Variants in PIKFYVE observed in about 807,000 individuals in gnomAD.
The protein encoded by PIKFYVE is 1-phosphatidylinositol 3-phosphate 5-kinase.
A neutral mutation model predicts 257.9 loss-of-function variants in PIKFYVE; 122 were observed. The ratio of observed to expected loss-of-function variants is 0.47; its 90% CI spans 0.41 to 0.55. PIKFYVE has a LOEUF of 0.55. Ranked by LOEUF, PIKFYVE falls within the 20% of genes least tolerant of loss-of-function variation. PIKFYVE has a pLI of 0.00. For missense variants in PIKFYVE, 2,160 were observed against 2,536.6 expected, an observed-to-expected ratio of 0.85 and a Z score of 3.19; for synonymous variants, 892 against 868.9, an observed-to-expected ratio of 1.03 and a Z score of -0.47.
At position 208,325,713 on chromosome 2, in the gene PIKFYVE, C is replaced by A. The variant is rs1696850798; in HGVS notation, c.2902C>A (p.Pro968Thr). ...CACAACAGCTTGCCCGGCGGGTCTC[C>A]CTTGTGCTTTCTTTGCACCTGTACC... is the stretch of plus-strand genomic sequence containing the variant. ...HSTTACPAGL[P>T]CAFFAPVPES... is the part of the protein sequence containing the mutation. Residue 968 changes from proline (P) to threonine (T), a missense_variant, in exon 20 of 42, where the codon CCT becomes ACT. Transcript: ENST00000264380. 1.9e-6 allele frequency: 3 copies of A among 1,613,460 alleles called. No individual in the cohort carries two copies. In the South Asian group the frequency reaches 3.3e-5, roughly 18 times the overall value.
At chr2:208,335,238 T>C in intron 24 of PIKFYVE, 68 bp from the exon 25 acceptor site, 1 of 1,051,646 alleles carries the variant, frequency 9.5e-7, no homozygotes, top group Non-Finnish European at 1.5e-6. Flanking sequence ...TTGAACATCA[T>C]GATACAGCTC....
intron 7 of PIKFYVE, among the ~76,000 whole-genome samples, chr2:208,290,006 A>G (rs1692092741): frequency 6.6e-6 from 1 of 152,194 alleles, no homozygotes; most frequent in African/African-American, 2.4e-5. Context: ...AAAAATGAGC[A>G]GAAAGTACAG....
At position 208,326,380 on chromosome 2, in the gene PIKFYVE, G is replaced by A; in HGVS notation, c.3569G>A (p.Gly1190Asp). 1 of 1,614,066 alleles carries A rather than the reference G, an allele frequency of 6.2e-7. No homozygotes were observed. Among genetic ancestry groups the A allele is most frequent in the Non-Finnish European group, 8.5e-7 (1 of 1,179,980 alleles). ...GGCCAATCAGGAAGCAAAAATGAGG[G>A]TGATGAAGAGAGAGGGCTTATTCTG... ...SSGQSGSKNE[G>D]DEERGLILSD... The change falls in exon 20 of 42, where the codon GGT (glycine) becomes GAT (aspartate). Residue 1190 changes from glycine to aspartate, a missense_variant. This residue lies in a region of PIKFYVE where 522 missense variants were observed against 514.6 expected (regional missense o/e 1.01). Transcript: ENST00000264380.
At chr2:208,332,211 A>C (rs1227358049) in intron 23 of PIKFYVE, among the ~76,000 whole-genome samples, 1 of 152,212 alleles carries the variant, frequency 6.6e-6, no homozygotes, top group Non-Finnish European at 1.5e-5. Context: ...CAAATAAATA[A>C]ATGTTATTCA....
intron 17 of PIKFYVE, among the ~76,000 whole-genome samples, chr2:208,321,045 C>T (rs1211957266): frequency 7.2e-5 from 11 of 152,194 alleles, no homozygotes; most frequent in Non-Finnish European, 5.9e-5. Context: ...GAGGCAGCCT[C>T]ATGCCATATG....
chr2:208,341,474 T>TA (rs1162049948), intron 31 of PIKFYVE, among the ~76,000 whole-genome samples: 1 of 152,264 alleles, frequency 6.6e-6, no homozygotes, highest in African/African-American at 2.4e-5. Flanking sequence ...TATATGCTCT[T>TA]ATGATTCCTG....
chr2:208,330,373 C>T lies in PIKFYVE; in HGVS notation c.3792-150C>T, dbSNP rs571578023. On this transcript the variant is annotated intron_variant, in intron 22 of 41. Transcript: ENST00000264380. ...GGTGCTTAACAAATGGAAACTATCACCGTGCTGTAGCTGAAGACGATGTTC... is the reference window on the plus strand; with the variant it reads ...GGTGCTTAACAAATGGAAACTATCATCGTGCTGTAGCTGAAGACGATGTTC... The T allele has an allele frequency of 4.4e-5, 39 of 879,660 alleles. No homozygotes were observed. The East Asian group carries it at 8.3e-4, about 19-fold the overall frequency. 54.5% of individuals were successfully genotyped at this position (879,660 alleles called of 1,614,324 possible).
At chr2:208,292,585 G>A (rs891038651) in intron 7 of PIKFYVE, among the ~76,000 whole-genome samples, 1 of 151,860 alleles carries the variant, frequency 6.6e-6, no homozygotes, top group Non-Finnish European at 1.5e-5. Context: ...AGTCTGTTCT[G>A]CCTGAAAATT....
chr2:208,273,607 G>T lies in PIKFYVE; in HGVS notation c.196G>T (p.Glu66Ter). 1.2e-6 allele frequency: 2 copies of T among 1,614,186 alleles called. No individual in the cohort carries two copies. The highest frequency in any genetic ancestry group is 1.3e-5 in the African/African-American group (1 of 75,042). Residue 66 changes from glutamate to a stop codon, truncating the protein, a stop_gained, in exon 3 of 42, where the codon GAA (glutamate) becomes TAA (stop). Coordinates refer to ENST00000264380, the MANE Select transcript of PIKFYVE (RefSeq NM_015040.4). LOFTEE classifies it high-confidence loss of function. ...AGAGAGAGCAGAAGGAGGCCAGGGA[G>T]AACAGCAGCCTTTGAGTGGAAGTTG... is the stretch of plus-strand genomic sequence containing the variant. ...NKERAEGGQGEQQPLSGSWTS... is the reference protein window; with the variant it reads ...NKERAEGGQG
At chr2:208,349,723 G>A (rs1699591893) in intron 35 of PIKFYVE, among the ~76,000 whole-genome samples, 1 of 151,850 alleles carries the variant, frequency 6.6e-6, no homozygotes, top group African/African-American at 2.4e-5. Flanking sequence ...GAAGTTCTTG[G>A]TATAAGAACT....
At chr2:208,297,902 A>G (rs1212756413) in intron 7 of PIKFYVE, among the ~76,000 whole-genome samples, 1 of 150,916 alleles carries the variant, frequency 6.6e-6, no homozygotes, top group Non-Finnish European at 1.5e-5. Flanking sequence ...AAAATTAAGG[A>G]TATGTATGAA....
At chr2:208,333,276 C>T (rs11885913) in intron 23 of PIKFYVE, 39 bp from the exon 24 acceptor site, 167,446 of 1,582,904 alleles carry the variant, frequency 0.11, 9,349 homozygotes, top group Non-Finnish European at 0.11. Context: ...AAGAGATTCT[C>T]AATATGTGAT....
chr2:208,280,905 T>G (rs189377346), intron 5 of PIKFYVE, among the ~76,000 whole-genome samples: 2 of 152,172 alleles, frequency 1.3e-5, no homozygotes, highest in East Asian at 1.9e-4. Flanking sequence ...TGATGTCTAT[T>G]ATAGTAACCA....
In PIKFYVE at chr2:208,351,374, A is replaced by G. The variant is rs756953970; in HGVS notation, c.5634A>G (p.Gln1878=). Residue 1878 remains glutamine, a synonymous_variant, in exon 38 of 42, where the codon CAA becomes CAG. Transcript: ENST00000264380. The part of the protein sequence containing the change: ...ATEDDRFILK[Q]MPRLEVQSFL... Reference sequence around the variant, plus strand: ...TAGATGATAGATTTATTTTGAAGCAAATGCCTCGTCTGGAAGTCCAGTCCT... The same window carrying G: ...TAGATGATAGATTTATTTTGAAGCAGATGCCTCGTCTGGAAGTCCAGTCCT... 10 of 1,613,552 alleles carry G rather than the reference A, an allele frequency of 6.2e-6. No homozygotes were observed. Among genetic ancestry groups the G allele is most frequent in the Admixed American group, 1.7e-5 (1 of 60,002 alleles).
At chr2:208,351,698 C>T (rs950773704) in intron 38 of PIKFYVE, among the ~76,000 whole-genome samples, 3 of 152,080 alleles carry the variant, frequency 2.0e-5, no homozygotes, top group African/African-American at 7.2e-5. Context: ...GCAAGGGGAG[C>T]CAGCATGTCA....
In PIKFYVE at chr2:208,355,252, A is replaced by G. The variant is rs1559185485; in HGVS notation, c.6244A>G (p.Lys2082Glu). ...GACTAGGTTTTGTGAGGCAATGGAC[A>G]AGTATTTCCTAATGGTACCAGACCA... ...YRTRFCEAMD[K>E]YFLMVPDHWT... The change falls in exon 42 of 42, where the codon AAG (lysine) becomes GAG (glutamate). Residue 2082 changes from lysine to glutamate, a missense_variant. Physicochemically the swap from Lys to Glu is moderately conservative, Grantham distance 56. Transcript: ENST00000264380. 3 of 1,613,972 alleles carry G rather than the reference A, an allele frequency of 1.9e-6. No individual in the cohort carries two copies. Among genetic ancestry groups the G allele is most frequent in the Non-Finnish European group, 1.7e-6 (2 of 1,179,930 alleles).
chr2:208,337,662 C>A (rs1169211277), intron 28 of PIKFYVE, among the ~76,000 whole-genome samples: 1 of 151,944 alleles, frequency 6.6e-6, no homozygotes, highest in African/African-American at 2.4e-5. Context: ...ATTTAGAATG[C>A]AATTCTCAAA....
chr2:208,293,021 T>TA (rs1692506923), intron 7 of PIKFYVE, among the ~76,000 whole-genome samples: 1 of 152,246 alleles, frequency 6.6e-6, no homozygotes, highest in Non-Finnish European at 1.5e-5. Flanking sequence ...CCTTTATGTA[T>TA]TTAATTGAGC....
chr2:208,311,198 G>A (rs932321413), intron 12 of PIKFYVE, among the ~76,000 whole-genome samples: 11 of 152,106 alleles, frequency 7.2e-5, no homozygotes, highest in African/African-American at 2.4e-4. Flanking sequence ...GTGTGAGAAG[G>A]CTGGTAAAGA....
Sources: gnomAD v4.1 joint callset for allele counts (sites outside exome capture counted in the v4.1 genomes callset) on GRCh38, gnomAD v4.1.1 for gene constraint, gnomAD v4.1.1 regional missense constraint, MANE v1.5 for transcripts, NCBI Gene and HGNC (gene_info 2026-07-23, HGNC 2026-07-21) for gene names.